ABCC8: variants seen among roughly 807,000 people sequenced by gnomAD.
The protein encoded by ABCC8 is ATP binding cassette subfamily C member 8.
A neutral mutation model predicts 188.0 loss-of-function variants in ABCC8; 137 were observed. The observed-to-expected ratio is 0.73, with a 90% CI of 0.63 to 0.84. ABCC8 has a LOEUF of 0.84. ABCC8 is among the 40% of genes least tolerant of loss of function. The pLI is 0.00. For missense variants in ABCC8, 1,750 were observed against 2,072.7 expected, an observed-to-expected ratio of 0.84 and a Z score of 3.02; for synonymous variants, 797 against 846.5, an observed-to-expected ratio of 0.94 and a Z score of 1.01.
At chr11:17,422,958 T>C (rs1222065996) in intron 16 of ABCC8, among the ~76,000 whole-genome samples, 1 of 152,004 alleles carries the variant, frequency 6.6e-6, no homozygotes, top group Non-Finnish European at 1.5e-5. Flanking sequence ...CACTCATCCT[T>C]CAAGGCTCAA....
chr11:17,442,881 T>C lies in ABCC8; in HGVS notation c.1469A>G (p.Glu490Gly), dbSNP rs1223255637. The change falls in exon 10 of 39, where the codon GAG (glutamate) becomes GGG (glycine). Residue 490 changes from glutamate to glycine, a missense_variant and splice_region_variant. Glu to Gly is a moderately conservative substitution (Grantham distance 98). Transcript: ENST00000389817. ...KLSQAQRSTL[E>G]YSNERLKQTN... The stretch of plus-strand genomic sequence containing the variant: ...CTGCTTCAGCCGCTCATTGGAATAC[T>C]CCTGCAGGGGTCCCCGAGTCAGAGG... 6.2e-7 allele frequency: 1 copy of C among 1,612,226 alleles called. No homozygotes were observed. Among genetic ancestry groups the C allele is most frequent in the African/African-American group, 1.3e-5 (1 of 74,880 alleles).
chr11:17,441,442 C>A (rs887024569), intron 10 of ABCC8, among the ~76,000 whole-genome samples: 3 of 152,190 alleles, frequency 2.0e-5, no homozygotes, highest in Non-Finnish European at 2.9e-5. Flanking sequence ...TCTTCTAATT[C>A]AAAAATTCTC....
intron 7 of ABCC8, among the ~76,000 whole-genome samples, chr11:17,449,221 C>T (rs1379061394): frequency 5.3e-5 from 8 of 152,160 alleles, no homozygotes; most frequent in Non-Finnish European, 5.9e-5. Context: ...CCACCGCACC[C>T]GGTCTGTTCT....
chr11:17,401,707 C>A (rs1391311097), intron 29 of ABCC8, among the ~76,000 whole-genome samples: 1 of 152,196 alleles, frequency 6.6e-6, no homozygotes, highest in African/African-American at 2.4e-5. Flanking sequence ...GGTCTCTGGC[C>A]TGCCTGACTG....
At chr11:17,412,060 T>G (rs1954835981) in intron 21 of ABCC8, among the ~76,000 whole-genome samples, 1 of 151,794 alleles carries the variant, frequency 6.6e-6, no homozygotes, top group South Asian at 2.1e-4. Flanking sequence ...ACCCAGCTAA[T>G]TTTTTGTATT....
intron 7 of ABCC8, among the ~76,000 whole-genome samples, chr11:17,450,248 C>CTT (rs1229779086): frequency 1.9e-5 from 1 of 52,080 alleles, no homozygotes; most frequent in Non-Finnish European, 4.0e-5. Flanking sequence ...TTTTCTTTTT[C>CTT]TTTCTTTCTT....
chr11:17,414,415 G>A (rs1322363781), intron 19 of ABCC8, 97 bp downstream of exon 19: 2 of 1,511,608 alleles, frequency 1.3e-6, no homozygotes, highest in Non-Finnish European at 9.2e-7. Context: ...TGAGATGGCT[G>A]GGTGTGGGTG....
intron 8 of ABCC8, chr11:17,444,551 A>C (rs979702872): frequency 6.5e-6 from 1 of 152,706 alleles, no homozygotes; most frequent in Non-Finnish European, 1.5e-5. Context: ...GCTCCTCCTC[A>C]TGCTCCCCCA....
At chr11:17,462,969 T>C (rs1847916306) in intron 4 of ABCC8, among the ~76,000 whole-genome samples, 1 of 152,066 alleles carries the variant, frequency 6.6e-6, no homozygotes, top group Non-Finnish European at 1.5e-5. Flanking sequence ...TAGTCTGGGC[T>C]GCCTGGGGAG....
At chr11:17,454,218 G>A (rs2133646195) in intron 6 of ABCC8, among the ~76,000 whole-genome samples, 1 of 152,232 alleles carries the variant, frequency 6.6e-6, no homozygotes, top group Middle Eastern at 3.4e-3. Flanking sequence ...CAGGCAGAGA[G>A]GGCCCAGGCT....
At chr11:17,407,204 C>T in intron 24 of ABCC8, 75 bp from the exon 25 acceptor site, 5 of 1,602,572 alleles carry the variant, frequency 3.1e-6, no homozygotes, top group Non-Finnish European at 3.4e-6. Context: ...ATTTTATCCC[C>T]ACTTACTGAG....
At chr11:17,474,823 T>C (rs777576554) in intron 2 of ABCC8, 63 bp downstream of exon 2, 71 of 1,553,986 alleles carry the variant, frequency 4.6e-5, no homozygotes, top group Non-Finnish European at 6.0e-5. Flanking sequence ...AGGATCTCCT[T>C]GGGCCTTTCA....
chr11:17,395,767 C>T, intron 34 of ABCC8, 49 bp from the exon 35 acceptor site: 1 of 1,552,656 alleles, frequency 6.4e-7, no homozygotes, highest in Non-Finnish European at 8.7e-7. Flanking sequence ...ACTGCTGGGC[C>T]TCCTGTCATG....
chr11:17,416,913 C>T lies in ABCC8; in HGVS notation c.2255+17G>A. 1 of 1,613,962 alleles carries T rather than the reference C, an allele frequency of 6.2e-7. No individual in the cohort carries two copies. Among genetic ancestry groups the T allele is most frequent in the Non-Finnish European group, 8.5e-7 (1 of 1,179,960 alleles). On this transcript the variant is annotated intron_variant, in intron 17 of 38. Coordinates refer to ENST00000389817, the MANE Select transcript of ABCC8 (RefSeq NM_000352.6). ...CCTTTGTTGAGACCCACTTCTGACC[C>T]AGTCCCAAGGCTGTACCTGGGGTCC...
chr11:17,409,369 G>T (rs1954700784), intron 22 of ABCC8, among the ~76,000 whole-genome samples: 1 of 152,162 alleles, frequency 6.6e-6, no homozygotes, highest in South Asian at 2.1e-4. Context: ...TGGGGTTCAA[G>T]GGGCTCGAGA....
chr11:17,405,543 A>G lies in ABCC8; in HGVS notation c.3350T>C (p.Leu1117Pro), dbSNP rs766715240. 6 of 1,614,248 alleles carry G rather than the reference A, an allele frequency of 3.7e-6. No individual in the cohort carries two copies. Among genetic ancestry groups the G allele is most frequent in the Non-Finnish European group, 4.2e-6 (5 of 1,180,028 alleles). The change falls in exon 27 of 39, where the codon CTT (leucine) becomes CCT (proline). Residue 1117 changes from leucine to proline, a missense_variant. By Grantham distance (98) the Leu-to-Pro change is moderately conservative. Transcript: ENST00000389817. The part of the protein sequence containing the change: ...APMRFFETTP[L>P]GSILNRFSSD... ...TGAAAATCTGTTCAGGATGCTCCCA[A>G]GGGGCGTGGTCTCAAAAAACCTAAG...
intron 3 of ABCC8, among the ~76,000 whole-genome samples, chr11:17,468,601 A>T (rs1233246329): frequency 6.6e-6 from 1 of 152,196 alleles, no homozygotes; most frequent in Non-Finnish European, 1.5e-5. Flanking sequence ...CTGATATGTA[A>T]AGGGAAAATA....
intron 7 of ABCC8, among the ~76,000 whole-genome samples, chr11:17,450,585 G>A (rs1295880572): frequency 1.4e-5 from 2 of 147,682 alleles, no homozygotes; most frequent in African/African-American, 5.0e-5. Context: ...TTTTAGTAGA[G>A]ACGGGGTTTC....
chr11:17,397,915 AACTCAT>A, intron 30 of ABCC8, 118 bp from the exon 31 acceptor site: 1 of 1,525,284 alleles, frequency 6.6e-7, no homozygotes, highest in Non-Finnish European at 8.8e-7. Flanking sequence ...CCAGCCCTGC[AACTCAT>A]GCACACGTCA....
Sources: allele counts gnomAD v4.1 joint callset (sites outside exome capture counted in the v4.1 genomes callset), GRCh38; gene constraint gnomAD v4.1.1; transcripts MANE v1.5; gene names NCBI Gene and HGNC (gene_info 2026-07-23, HGNC 2026-07-21).